CEP20: variants seen among roughly 807,000 people sequenced by gnomAD.
CEP20 encodes FGFR1OP N-terminal like.
In CEP20, 18 loss-of-function variants were observed where a neutral mutation model predicts 20.0. The ratio of observed to expected loss-of-function variants is 0.90; its 90% confidence interval spans 0.62 to 1.34. CEP20 has a LOEUF of 1.34. Ranked by LOEUF, CEP20 falls within the 40% of genes most tolerant of loss-of-function variation. The probability of loss-of-function intolerance (pLI) is 0.00; values close to 1 mark genes in which losing one functional copy is unlikely to be tolerated. For synonymous variants in CEP20, 77 were observed against 73.7 expected, an observed-to-expected ratio of 1.04 and a Z score of -0.23; for missense variants, 215 against 201.6, an observed-to-expected ratio of 1.07 and a Z score of -0.40.
At chr16:15,868,067 G>A (rs1012962949) in intron 4 of CEP20, among the ~76,000 whole-genome samples, 2 of 150,140 alleles carry the variant, frequency 1.3e-5, no homozygotes, top group Admixed American at 6.6e-5. Flanking sequence ...TTTTTGAGTA[G>A]AGTACAACCT....
chr16:15,875,313 A>G (rs1420264703), intron 3 of CEP20, among the ~76,000 whole-genome samples: 6 of 152,164 alleles, frequency 3.9e-5, no homozygotes, highest in African/African-American at 9.7e-5. Context: ...TGATTTTTAA[A>G]TGTTAAAAGT....
intron 4 of CEP20, among the ~76,000 whole-genome samples, chr16:15,869,425 C>T (rs1391090335): frequency 6.6e-6 from 1 of 151,736 alleles, no homozygotes; most frequent in East Asian, 1.9e-4. Flanking sequence ...ATTTTCCTGC[C>T]TCGGCCTCCC....
intron 4 of CEP20, among the ~76,000 whole-genome samples, chr16:15,872,972 G>GA (rs2044856703): frequency 6.6e-6 from 1 of 150,996 alleles, no homozygotes; most frequent in African/African-American, 2.4e-5. Flanking sequence ...TCATGGAGAG[G>GA]AAAAAAAATA....
At chr16:15,888,362 G>A (rs2045296808) in intron 1 of CEP20, among the ~76,000 whole-genome samples, 196 bp downstream of exon 1, 1 of 152,126 alleles carries the variant, frequency 6.6e-6, no homozygotes, top group African/African-American at 2.4e-5. Flanking sequence ...CTCGCCAGTG[G>A]GCAACCTCTT....
intron 2 of CEP20, among the ~76,000 whole-genome samples, chr16:15,882,766 TCTATCTATCTATCTAG>T (rs1484584204): frequency 9.5e-6 from 1 of 105,612 alleles, no homozygotes; most frequent in African/African-American, 3.6e-5. Context: ...TATCTATCTA[TCTATCTATCTATCTAG>T]ATACACACAC....
At chr16:15,885,424 G>A (rs572512686) in intron 1 of CEP20, among the ~76,000 whole-genome samples, 16 of 151,980 alleles carry the variant, frequency 1.1e-4, no homozygotes, top group African/African-American at 2.7e-4. Context: ...AAACAATCTC[G>A]CTCTGTCGCC....
chr16:15,868,051 A>G (rs1555463390), intron 4 of CEP20, among the ~76,000 whole-genome samples: 2 of 150,308 alleles, frequency 1.3e-5, no homozygotes, highest in Non-Finnish European at 3.0e-5. Context: ...GAGTTTCTTG[A>G]CTTTTTTTTT....
intron 1 of CEP20, 92 bp from the exon 2 acceptor site, chr16:15,884,297 TACAAAA>T (rs1315727785): frequency 8.6e-7 from 1 of 1,165,530 alleles, no homozygotes; most frequent in Non-Finnish European, 1.2e-6. Flanking sequence ...AGGTAAATGG[TACAAAA>T]ACAGCTCTCA....
rs987524382 is a variant in CEP20 at position 15,876,487 on chromosome 16, A to G, written c.312-2860T>C. Among the ~76,000 whole-genome samples the G allele has an allele frequency of 2.0e-5, 3 of 151,948 alleles. No homozygotes were observed. The East Asian group carries it at 5.8e-4, about 29-fold the overall frequency. On this transcript the variant is annotated intron_variant, in intron 3 of 4. Coordinates refer to ENST00000255759, the MANE Select transcript of CEP20 (RefSeq NM_144600.4). ...GAGACTCTGTCTCGAAAAAAAAAAA[A>G]AGAACTCTCGCTGTGTGGCCCACAC...
chr16:15,874,170 T>G (rs1017967071), intron 3 of CEP20, among the ~76,000 whole-genome samples: 1 of 152,234 alleles, frequency 6.6e-6, no homozygotes, highest in Admixed American at 6.5e-5. Context: ...CCCTCCCTTA[T>G]AGGGCTGTTA....
At chr16:15,884,299 C>T (rs1362873943) in intron 1 of CEP20, 94 bp from the exon 2 acceptor site, 3 of 1,126,582 alleles carry the variant, frequency 2.7e-6, no homozygotes, top group Middle Eastern at 2.5e-4. Context: ...GTAAATGGTA[C>T]AAAAACAGCT....
Position 15,884,077 on chromosome 16 carries a change from T to G in CEP20, c.157A>C (p.Ile53Leu). 1.2e-6 allele frequency: 2 copies of G among 1,614,058 alleles called. No homozygotes were observed. The highest frequency in any genetic ancestry group is 1.7e-6 in the Non-Finnish European group (2 of 1,179,900). The part of the protein sequence containing the change: ...RPSLSHENLL[I>L]NELIREYLEF... Reference sequence around the variant, plus strand: ...AAATACTCTCGAATTAATTCATTAATTAGAAGGTTTTCATGAGACAATGAT... The same window carrying G: ...AAATACTCTCGAATTAATTCATTAAGTAGAAGGTTTTCATGAGACAATGAT... The change falls in exon 2 of 5, where the codon ATT becomes CTT. Residue 53 changes from isoleucine (I) to leucine (L), a missense_variant. Ile to Leu is a conservative substitution (Grantham distance 5, BLOSUM62 2). Coordinates refer to ENST00000255759, the MANE Select transcript of CEP20 (RefSeq NM_144600.4).
intron 2 of CEP20, 40 bp downstream of exon 2, chr16:15,883,968 G>A: frequency 6.5e-6 from 10 of 1,528,154 alleles, no homozygotes; most frequent in Non-Finnish European, 8.1e-6. Flanking sequence ...TTGGGGAAAG[G>A]GGAGAAACAG....
chr16:15,879,782 C>A, intron 3 of CEP20, 22 bp downstream of exon 3: 2 of 1,429,038 alleles, frequency 1.4e-6, no homozygotes, highest in Non-Finnish European at 1.9e-6. Context: ...TATGTGGAAA[C>A]TTCTTTAAAA....
At chr16:15,873,763 G>A (rs72773967) in intron 3 of CEP20, 136 bp from the exon 4 acceptor site, 13 of 1,010,272 alleles carry the variant, frequency 1.3e-5, no homozygotes, top group African/African-American at 3.3e-5. Context: ...TTTAAAAAGC[G>A]GCATGATTAT....
intron 3 of CEP20, among the ~76,000 whole-genome samples, chr16:15,877,881 C>T (rs907254975): frequency 2.0e-5 from 3 of 151,844 alleles, no homozygotes; most frequent in Non-Finnish European, 4.4e-5. Flanking sequence ...ATGGTGAAAC[C>T]CCATCTCTAC....
intron 3 of CEP20, among the ~76,000 whole-genome samples, chr16:15,879,558 G>A (rs1315010302): frequency 6.6e-6 from 1 of 152,124 alleles, no homozygotes; most frequent in Admixed American, 6.6e-5. Flanking sequence ...GAAGGACAAA[G>A]GATCAAGAAG....
At chr16:15,869,263 G>A (rs548030401) in intron 4 of CEP20, among the ~76,000 whole-genome samples, 11 of 150,572 alleles carry the variant, frequency 7.3e-5, no homozygotes, top group African/African-American at 2.7e-4. Context: ...TTGGATGAGA[G>A]AAGCACTTTT....
chr16:15,873,620 A>G lies in CEP20; in HGVS notation c.319T>C (p.Leu107=). 1 of 1,613,600 alleles carries G rather than the reference A, an allele frequency of 6.2e-7. No homozygotes were observed. Among genetic ancestry groups the G allele is most frequent in the South Asian group, 1.1e-5 (1 of 90,986 alleles). The change falls in exon 4 of 5, where the codon TTA becomes CTA. Residue 107 remains leucine, a synonymous_variant. Coordinates refer to ENST00000255759, the MANE Select transcript of CEP20 (RefSeq NM_144600.4). ...AAGAAATGGGCTAAAATCCCATATA[A>G]AAGAGGTCTATAGCAGGAAGAAAAC... ...EESKDNTIPL[L]YGILAHFLRG...
Sources: allele counts gnomAD v4.1 joint callset (sites outside exome capture counted in the v4.1 genomes callset), GRCh38; gene constraint gnomAD v4.1.1; transcripts MANE v1.5; gene names NCBI Gene and HGNC (gene_info 2026-07-23, HGNC 2026-07-21).